The following VCAN variants were observed in gnomAD, a reference collection of about 807,000 sequenced individuals.
VCAN encodes the protein versican core protein.
VCAN carries 44 observed loss-of-function variants against 245.5 expected under a neutral mutation model. That is an observed-to-expected ratio of 0.18 (90% confidence interval 0.14 to 0.23). The LOEUF (loss-of-function observed/expected upper bound fraction) is 0.23. Among genes scored for constraint, VCAN ranks in the 10% least tolerant of loss-of-function variants. VCAN has a pLI of 1.00. For missense variants in VCAN, 3,793 were observed against 4,057.9 expected (o/e 0.93, Z 1.77); for synonymous variants, 1,413 against 1,437.0 (o/e 0.98, Z 0.38).
rs1422289467 is a variant in VCAN at position 83,522,318 on chromosome 5, T to C, written c.4003+9T>C. 2 of 1,598,226 alleles carry C rather than the reference T, an allele frequency of 1.3e-6. No individual in the cohort carries two copies. Among genetic ancestry groups the C allele is most frequent in the African/African-American group, 2.7e-5 (2 of 75,022 alleles). The stretch of plus-strand genomic sequence containing the variant: ...CAGAGAAAATAAGACAGGTAAGTCT[T>C]TGCTTTCTAGACTAGCATTGAAGGC... On this transcript the variant is annotated intron_variant, in intron 7 of 14. Coordinates refer to ENST00000265077, the MANE Select transcript of VCAN (RefSeq NM_004385.5).
In VCAN at chr5:83,519,829, T is replaced by A. The variant is rs143368552; in HGVS notation, c.1523T>A (p.Ile508Asn). 3.4e-3 allele frequency: 5,439 copies of A among 1,614,130 alleles called. 14 individuals carry two copies. Among genetic ancestry groups the A allele is most frequent in the Middle Eastern group, 4.3e-3 (26 of 6,062 alleles). Reference sequence around the variant, plus strand: ...ACATCTATGGAAATCTTAAAGCACATTCCTTCCAAGGAATTCCCTGTAACT... The same window carrying A: ...ACATCTATGGAAATCTTAAAGCACAATCCTTCCAAGGAATTCCCTGTAACT... ...LVTSMEILKH[I>N]PSKEFPVTET... is the part of the protein sequence containing the mutation. The change falls in exon 7 of 15, where the codon ATT (isoleucine) becomes AAT (asparagine). Residue 508 changes from isoleucine (I) to asparagine (N), a missense_variant. Physicochemically the swap from Ile to Asn is moderately radical, Grantham distance 149. Transcript: ENST00000265077.
intron 6 of VCAN, among the ~76,000 whole-genome samples, chr5:83,515,114 T>C (rs529242998): frequency 6.6e-6 from 1 of 152,370 alleles, no homozygotes; most frequent in Non-Finnish European, 1.5e-5. Flanking sequence ...TTAGGCTTTA[T>C]TCTTTTCAAA....
intron 2 of VCAN, among the ~76,000 whole-genome samples, chr5:83,485,088 A>C (rs1325690908): frequency 1.3e-5 from 2 of 152,218 alleles, no homozygotes; most frequent in African/African-American, 4.8e-5. Context: ...GCTTAACACT[A>C]ACTCACTGAA....
At chr5:83,495,766 A>G (rs759852934) in intron 5 of VCAN, among the ~76,000 whole-genome samples, 1 of 152,212 alleles carries the variant, frequency 6.6e-6, no homozygotes, top group Non-Finnish European at 1.5e-5. Flanking sequence ...TGTAAGATCT[A>G]ATTAACCTAA....
At position 83,539,191 on chromosome 5, in the gene VCAN, C is replaced by A. The variant is rs368052136; in HGVS notation, c.6188C>A (p.Thr2063Lys). The A allele has an allele frequency of 1.2e-6, 2 of 1,613,928 alleles. No homozygotes were observed. Among genetic ancestry groups the A allele is most frequent in the Non-Finnish European group, 1.7e-6 (2 of 1,179,958 alleles). Residue 2063 changes from threonine to lysine, a missense_variant, in exon 8 of 15, where the codon ACA (threonine) becomes AAA (lysine). This residue lies in a region of VCAN where 3,182 missense variants were observed against 3,250.3 expected (regional missense o/e 0.98). Transcript: ENST00000265077. ...GATAGAAGATCCACCATTTTACCAA[C>A]AGCAGAAGTGGAAGGTACGAAAGCT... ...EIDRRSTILPTAEVEGTKAPV... is the reference protein window; with the variant it reads ...EIDRRSTILPKAEVEGTKAPV...
chr5:83,493,520 G>A (rs755360687), intron 3 of VCAN, 26 bp from the exon 4 acceptor site: 1 of 1,612,448 alleles, frequency 6.2e-7, no homozygotes, highest in Non-Finnish European at 8.5e-7. Flanking sequence ...GAACAGGCTG[G>A]CAATTGTTTG....
intron 5 of VCAN, among the ~76,000 whole-genome samples, chr5:83,509,556 C>T (rs1745589268): frequency 6.6e-6 from 1 of 152,154 alleles, no homozygotes; most frequent in South Asian, 2.1e-4. Context: ...TTTCTTTGCC[C>T]TTCCGTGGTT....
intron 6 of VCAN, among the ~76,000 whole-genome samples, chr5:83,513,554 G>A (rs36107348): frequency 0.015 from 2,308 of 152,244 alleles, 29 homozygotes; most frequent in Non-Finnish European, 0.023. Flanking sequence ...TCCTCCCTTA[G>A]ACTCAACTTT....
rs1746122233 is a variant in VCAN, at chr5:83,521,954, A to C, written c.3648A>C (p.Arg1216Ser). 1 of 1,614,182 alleles carries C rather than the reference A, an allele frequency of 6.2e-7. No homozygotes were observed. The highest frequency in any genetic ancestry group is 8.5e-7 in the Non-Finnish European group (1 of 1,180,024). The change falls in exon 7 of 15, where the codon AGA becomes AGC. Residue 1216 changes from arginine (R) to serine (S), a missense_variant. Arg to Ser is a moderately radical substitution (Grantham distance 110). Transcript: ENST00000265077. ...CCACTGCCTTCAGTTCAGTAGACAG[A>C]CTTCACACAACTTCAGCATTCAAGC... Reference protein sequence around the residue: ...DITTAFSSVDRLHTTSAFKPS... With the variant: ...DITTAFSSVDSLHTTSAFKPS...
intron 2 of VCAN, among the ~76,000 whole-genome samples, chr5:83,489,187 G>C (rs1270193441): frequency 1.3e-5 from 2 of 152,148 alleles, no homozygotes; most frequent in African/African-American, 2.4e-5. Flanking sequence ...ATATTTTCAT[G>C]AAGTAAGCAT....
intron 6 of VCAN, 70 bp downstream of exon 6, chr5:83,512,466 A>G (rs757917584): frequency 2.6e-6 from 4 of 1,546,546 alleles, no homozygotes; most frequent in South Asian, 1.2e-5. Flanking sequence ...ATTGATGTTC[A>G]ACTAGCCGTT....
At position 83,551,128 on chromosome 5, in the gene VCAN, TTAG is replaced by T. The variant is rs140900525; in HGVS notation, c.9494-2231_9494-2229del. On this transcript the variant is annotated intron_variant, in intron 10 of 14. Coordinates refer to ENST00000265077, the MANE Select transcript of VCAN (RefSeq NM_004385.5). ...CATCTGCTAACTGAGACAGGCACTG[TTAG>T]TAGTGAAGTGGTCACATATCTAAAT... Among the ~76,000 whole-genome samples, 958 of 152,178 alleles carry T rather than the reference TTAG, an allele frequency of 6.3e-3. 12 individuals are homozygous for T. Among genetic ancestry groups the T allele is most frequent in the African/African-American group, 0.022 (919 of 41,536 alleles).
intron 13 of VCAN, 152 bp from the exon 14 acceptor site, chr5:83,579,828 C>G: frequency 3.5e-6 from 3 of 846,692 alleles, no homozygotes; most frequent in Non-Finnish European, 5.5e-6. Context: ...ATTACATTTT[C>G]TTTTTGAAAA....
At chr5:83,485,329 G>A (rs771858121) in intron 2 of VCAN, among the ~76,000 whole-genome samples, 5 of 151,676 alleles carry the variant, frequency 3.3e-5, no homozygotes, top group Non-Finnish European at 5.9e-5. Context: ...GTTTGAACCC[G>A]GGAGGTGGAG....
At chr5:83,480,553 A>T (rs1744578823) in intron 1 of VCAN, among the ~76,000 whole-genome samples, 1 of 152,244 alleles carries the variant, frequency 6.6e-6, no homozygotes, top group Admixed American at 6.5e-5. Flanking sequence ...CATAAGAAAT[A>T]GAGGCGTTGA....
chr5:83,567,490 C>CAGG (rs1554043234), intron 12 of VCAN, among the ~76,000 whole-genome samples: 1 of 151,326 alleles, frequency 6.6e-6, no homozygotes, highest in African/African-American at 2.4e-5. Context: ...TTAGTAGAGA[C>CAGG]GGGGTTTCAC....
At chr5:83,477,804 G>A (rs1177509019) in intron 1 of VCAN, among the ~76,000 whole-genome samples, 1 of 152,110 alleles carries the variant, frequency 6.6e-6, no homozygotes, top group African/African-American at 2.4e-5. Flanking sequence ...TGTACAGGTA[G>A]TGGCAGAAAG....
rs753743554 is a variant in VCAN, at chr5:83,540,617, A to G, written c.7614A>G (p.Lys2538=). The G allele has an allele frequency of 2.5e-6, 4 of 1,613,886 alleles. No individual in the cohort carries two copies. In the Admixed American group the frequency reaches 5.0e-5, roughly 20 times the overall value. The stretch of plus-strand genomic sequence containing the variant: ...CCACCTTAAAACCTAACAGAAAAAA[A>G]CCCACTGAAAATATTATCATAGACC... ...EDSTLKPNRK[K]PTENIIIDLD... The change falls in exon 8 of 15, where the codon AAA becomes AAG. Residue 2538 remains lysine (K), a synonymous_variant. Transcript: ENST00000265077.
chr5:83,553,006 T>C (rs1416369558), intron 10 of VCAN, among the ~76,000 whole-genome samples: 3 of 152,170 alleles, frequency 2.0e-5, no homozygotes, highest in Non-Finnish European at 4.4e-5. Context: ...ATGAGTCTCT[T>C]AGAAAAGTTG....
Sources: allele counts gnomAD v4.1 joint callset (sites outside exome capture counted in the v4.1 genomes callset), GRCh38; gene constraint gnomAD v4.1.1; regional missense constraint gnomAD v4.1.1; transcripts MANE v1.5; gene names NCBI Gene and HGNC (gene_info 2026-07-23, HGNC 2026-07-21).